UNC13C: variants seen among roughly 807,000 people sequenced by gnomAD.
UNC13C encodes the protein protein unc-13 homolog C.
In UNC13C, 174 loss-of-function variants were observed where a neutral mutation model predicts 245.4. The ratio of observed to expected loss-of-function variants is 0.71; its 90% CI spans 0.63 to 0.80. UNC13C has a LOEUF of 0.80. UNC13C is among the 30% of genes least tolerant of loss of function. The pLI is 0.00. For synonymous variants in UNC13C, 992 were observed against 895.1 expected, an observed-to-expected ratio of 1.11 and a Z score of -1.93; for missense variants, 2,829 against 2,602.9, an observed-to-expected ratio of 1.09 and a Z score of -1.89.
At chr15:54,109,317 T>G (rs553276933) in intron 2 of UNC13C, among the ~76,000 whole-genome samples, 1 of 62,412 alleles carries the variant, frequency 1.6e-5, no homozygotes, top group Non-Finnish European at 2.7e-5. Context: ...TCCCCTCCCC[T>G]CCCTTTCCTT....
At chr15:54,183,440 G>C (rs929811966) in intron 4 of UNC13C, among the ~76,000 whole-genome samples, 1 of 151,178 alleles carries the variant, frequency 6.6e-6, no homozygotes. Flanking sequence ...TCTTTGCAAA[G>C]CAAAAGATTA....
chr15:53,990,525 A>C (rs181605998), intron 1 of UNC13C, among the ~76,000 whole-genome samples: 34 of 152,090 alleles, frequency 2.2e-4, no homozygotes, highest in Admixed American at 8.5e-4. Context: ...AAATTTTAAA[A>C]TCTTTTGTTT....
chr15:53,920,636 T>A, the UNC13C span, among the ~76,000 whole-genome samples: 2 of 152,028 alleles, frequency 1.3e-5, no homozygotes, highest in African/African-American at 4.8e-5. Context: ...AGCTCCTTGG[T>A]GTAGAAGGCC....
downstream of UNC13C, chr15:54,633,036 A>G (rs999441771): frequency 2.0e-5 from 3 of 152,224 alleles, no homozygotes; most frequent in African/African-American, 7.2e-5. Context: ...ATGGTGGCGC[A>G]TGCCTGTAAT....
At chr15:54,359,595 C>T (rs2039181239) in intron 17 of UNC13C, among the ~76,000 whole-genome samples, 2 of 151,750 alleles carry the variant, frequency 1.3e-5, no homozygotes, top group South Asian at 4.1e-4. Context: ...GGAATTTATA[C>T]ATTTCTTATA....
intron 26 of UNC13C, among the ~76,000 whole-genome samples, chr15:54,541,523 C>A (rs950132327): frequency 6.6e-6 from 1 of 152,058 alleles, no homozygotes; most frequent in Non-Finnish European, 1.5e-5. Flanking sequence ...AGCACTGTGT[C>A]TTCAAATAGG....
the UNC13C span, chr15:53,911,683 C>T: frequency 6.6e-6 from 1 of 152,208 alleles, no homozygotes; most frequent in African/African-American, 2.4e-5. Context: ...TGACGGCAGC[C>T]ATACGGACTG....
At chr15:53,928,899 G>A in the UNC13C span, among the ~76,000 whole-genome samples, 36 of 152,312 alleles carry the variant, frequency 2.4e-4, no homozygotes, top group Middle Eastern at 3.4e-3. Flanking sequence ...AAGACTTCAC[G>A]TTGAAATTCA....
chr15:54,473,019 C>A (rs944536723), intron 19 of UNC13C, among the ~76,000 whole-genome samples: 1 of 151,530 alleles, frequency 6.6e-6, no homozygotes, highest in Non-Finnish European at 1.5e-5. Flanking sequence ...CTCTCCCCCA[C>A]CCCCACATCT....
At chr15:54,214,125 C>T (rs559005276) in intron 4 of UNC13C, among the ~76,000 whole-genome samples, 1 of 152,018 alleles carries the variant, frequency 6.6e-6, no homozygotes, top group Admixed American at 6.6e-5. Context: ...ACAGTTGTTG[C>T]TTTTTTAAAA....
intron 24 of UNC13C, among the ~76,000 whole-genome samples, chr15:54,518,240 G>A (rs1895066800): frequency 6.6e-6 from 1 of 152,192 alleles, no homozygotes; most frequent in South Asian, 2.1e-4. Context: ...TAACTGCTAA[G>A]CTTGTGAAAT....
chr15:54,192,564 A>G (rs1414590070), intron 4 of UNC13C, among the ~76,000 whole-genome samples: 1 of 152,044 alleles, frequency 6.6e-6, no homozygotes, highest in Non-Finnish European at 1.5e-5. Context: ...TCATCACATT[A>G]CTGTATCTGG....
chr15:54,179,230 T>G (rs185429737), intron 4 of UNC13C, among the ~76,000 whole-genome samples: 162 of 152,196 alleles, frequency 1.1e-3, no homozygotes, highest in Non-Finnish European at 1.8e-3. Context: ...ATATATGATA[T>G]GCACATACAA....
At chr15:54,155,093 A>G (rs1053028173) in intron 4 of UNC13C, among the ~76,000 whole-genome samples, 6 of 152,206 alleles carry the variant, frequency 3.9e-5, no homozygotes, top group African/African-American at 1.4e-4. Flanking sequence ...TATCAGTTAG[A>G]CATTGCCATG....
At chr15:54,442,450 T>G (rs2140992104) in intron 19 of UNC13C, among the ~76,000 whole-genome samples, 1 of 152,142 alleles carries the variant, frequency 6.6e-6, no homozygotes, top group South Asian at 2.1e-4. Context: ...CTTGAACTCC[T>G]AACCTCAGGT....
chr15:54,145,392 T>C (rs529263091), intron 4 of UNC13C, among the ~76,000 whole-genome samples: 1 of 152,282 alleles, frequency 6.6e-6, no homozygotes, highest in Admixed American at 6.5e-5. Flanking sequence ...ATTTTGATGT[T>C]TCCAAATAGA....
intron 4 of UNC13C, among the ~76,000 whole-genome samples, chr15:54,150,377 C>A (rs72746012): frequency 6.6e-6 from 1 of 152,202 alleles, no homozygotes; most frequent in African/African-American, 2.4e-5. Flanking sequence ...TCAGGGAGTA[C>A]GCCTAATCAC....
At chr15:54,516,798 T>TTAAAAAAA (rs757129644) in intron 24 of UNC13C, among the ~76,000 whole-genome samples, 1 of 25,322 alleles carries the variant, frequency 3.9e-5, no homozygotes, top group Non-Finnish European at 7.5e-5. Flanking sequence ...AGATGCTGTC[T>TTAAAAAAA]CAAAAAAAAA....
At chr15:54,010,759 G>C (rs756910067) in intron 1 of UNC13C, among the ~76,000 whole-genome samples, 5 of 152,120 alleles carry the variant, frequency 3.3e-5, no homozygotes, top group Non-Finnish European at 5.9e-5. Flanking sequence ...GTCTAGATGA[G>C]AAATGACAGT....
Sources: gnomAD v4.1 joint callset for allele counts (sites outside exome capture counted in the v4.1 genomes callset) on GRCh38, gnomAD v4.1.1 for gene constraint, MANE v1.5 for transcripts, NCBI Gene and HGNC (gene_info 2026-07-23, HGNC 2026-07-21) for gene names.